CIRSR: variants seen among roughly 807,000 people sequenced by gnomAD.
CIRSR encodes the protein corepressor of RBPJ and splicing regulator.
the CIRSR span, chr2:174,387,585 G>A: frequency 2.4e-6 from 3 of 1,271,330 alleles, no homozygotes; most frequent in African/African-American, 3.1e-5. Flanking sequence ...CTATAATTGG[G>A]TATTTGATTC....
the CIRSR span, among the ~76,000 whole-genome samples, chr2:174,389,677 A>G: frequency 6.6e-6 from 1 of 152,328 alleles, no homozygotes; most frequent in Admixed American, 6.5e-5. Context: ...AGGGTATGTC[A>G]GAGACCTTCA....
the CIRSR span, chr2:174,380,336 G>A: frequency 1.1e-6 from 1 of 950,852 alleles, no homozygotes; most frequent in South Asian, 1.7e-5. Flanking sequence ...TAGTTTTACA[G>A]TTCTAAGAAC....
the CIRSR span, among the ~76,000 whole-genome samples, chr2:174,354,134 A>C: frequency 6.6e-6 from 1 of 151,854 alleles, no homozygotes; most frequent in Non-Finnish European, 1.5e-5. Context: ...GAGATTATAC[A>C]GACTATTAAA....
chr2:174,377,394 G>A, the CIRSR span, among the ~76,000 whole-genome samples: 2 of 152,120 alleles, frequency 1.3e-5, no homozygotes, highest in Admixed American at 6.6e-5. Flanking sequence ...AGCTTTTAAG[G>A]GTACCTGTAC....
At chr2:174,367,893 T>C in the CIRSR span, among the ~76,000 whole-genome samples, 1 of 151,510 alleles carries the variant, frequency 6.6e-6, no homozygotes, top group African/African-American at 2.4e-5. Context: ...AGATATACCA[T>C]GCTAACACTA....
the CIRSR span, among the ~76,000 whole-genome samples, chr2:174,353,762 G>A: frequency 2.0e-5 from 3 of 152,230 alleles, no homozygotes; most frequent in South Asian, 2.1e-4. Flanking sequence ...CACCGCGCCC[G>A]GCTCAATTAA....
the CIRSR span, among the ~76,000 whole-genome samples, chr2:174,389,073 C>T: frequency 5.3e-5 from 8 of 152,198 alleles, no homozygotes; most frequent in Admixed American, 3.3e-4. Context: ...TTCATAGCAG[C>T]GTGAGAATAG....
chr2:174,394,170 G>A, the CIRSR span, among the ~76,000 whole-genome samples: 1 of 152,140 alleles, frequency 6.6e-6, no homozygotes. Context: ...TAAGAAAGCT[G>A]ATACATTGAA....
chr2:174,378,063 T>G, the CIRSR span, among the ~76,000 whole-genome samples: 1 of 152,086 alleles, frequency 6.6e-6, no homozygotes, highest in Admixed American at 6.5e-5. Context: ...CTTGGTGGCC[T>G]GAGAGGACAG....
At chr2:174,350,879 G>C in the CIRSR span, 1 of 670,698 alleles carries the variant, frequency 1.5e-6, no homozygotes, top group Admixed American at 3.5e-5. Flanking sequence ...GGATTGGGAA[G>C]TGGGAGAGAA....
At chr2:174,389,590 A>G in the CIRSR span, among the ~76,000 whole-genome samples, 2 of 152,156 alleles carry the variant, frequency 1.3e-5, no homozygotes, top group African/African-American at 4.8e-5. Flanking sequence ...CTGGGGAGAA[A>G]TTCAAGCCGG....
At chr2:174,388,035 A>G in the CIRSR span, among the ~76,000 whole-genome samples, 1 of 152,220 alleles carries the variant, frequency 6.6e-6, no homozygotes, top group Non-Finnish European at 1.5e-5. Flanking sequence ...ATGTTTTAAG[A>G]AAGTTTACAA....
the CIRSR span, among the ~76,000 whole-genome samples, chr2:174,372,692 C>T: frequency 2.0e-5 from 3 of 152,120 alleles, no homozygotes; most frequent in Admixed American, 6.6e-5. Context: ...GAGCGATTCT[C>T]GTGCCTCAGC....
chr2:174,380,237 C>T, the CIRSR span: 1 of 1,598,072 alleles, frequency 6.3e-7, no homozygotes, highest in Non-Finnish European at 8.5e-7. Context: ...ATGTTCATGT[C>T]ATCTTTGGCA....
At chr2:174,368,761 T>C in the CIRSR span, among the ~76,000 whole-genome samples, 1 of 152,182 alleles carries the variant, frequency 6.6e-6, no homozygotes, top group Non-Finnish European at 1.5e-5. Context: ...GGTCACTAGG[T>C]GCATTGTAAA....
chr2:174,348,958 T>A, the CIRSR span: 3 of 1,602,020 alleles, frequency 1.9e-6, no homozygotes, highest in Non-Finnish European at 2.5e-6. Flanking sequence ...CCTGAACACT[T>A]GTTTTTCTTT....
chr2:174,359,814 T>C, the CIRSR span, among the ~76,000 whole-genome samples: 3 of 152,160 alleles, frequency 2.0e-5, no homozygotes, highest in Non-Finnish European at 4.4e-5. Flanking sequence ...CCAAAGCAAA[T>C]GTCCATCAAT....
the CIRSR span, among the ~76,000 whole-genome samples, chr2:174,395,389 C>G: frequency 6.6e-6 from 1 of 152,230 alleles, no homozygotes; most frequent in Non-Finnish European, 1.5e-5. Context: ...CCCGCTGCGT[C>G]AGCGAGCTGC....
At chr2:174,364,052 T>C in the CIRSR span, among the ~76,000 whole-genome samples, 1 of 152,226 alleles carries the variant, frequency 6.6e-6, no homozygotes, top group Admixed American at 6.5e-5. Context: ...CTTCTGCCTA[T>C]GAGCCTCTAA....
Sources: gnomAD v4.1 joint callset for allele counts (sites outside exome capture counted in the v4.1 genomes callset) on GRCh38, gnomAD v4.1.1 for gene constraint, MANE v1.5 for transcripts, NCBI Gene and HGNC (gene_info 2026-07-23, HGNC 2026-07-21) for gene names.